The following SHISAL2A variants were observed in gnomAD, a reference collection of about 807,000 sequenced individuals.
SHISAL2A encodes the protein protein shisa-like-2A.
In SHISAL2A, 18 loss-of-function variants were observed where a neutral mutation model predicts 11.5. That is an observed-to-expected ratio of 1.57 (90% CI 1.08 to 2.33). The LOEUF is 2.33. Among genes scored for constraint, SHISAL2A ranks in the 30% most tolerant of loss-of-function variants. SHISAL2A has a pLI of 0.00. For synonymous variants in SHISAL2A, 94 were observed against 99.6 expected (o/e 0.94, Z 0.34); for missense variants, 261 against 250.9 (o/e 1.04, Z -0.27).
At chr1:52,639,783 A>T (rs1691319636) in intron 1 of SHISAL2A, among the ~76,000 whole-genome samples, 1 of 151,974 alleles carries the variant, frequency 6.6e-6, no homozygotes, top group Admixed American at 6.6e-5. Context: ...TTAAAATCTA[A>T]AAGATCTGAA....
At chr1:52,643,337 T>C (rs1027162976) in intron 2 of SHISAL2A, among the ~76,000 whole-genome samples, 1 of 152,224 alleles carries the variant, frequency 6.6e-6, no homozygotes, top group African/African-American at 2.4e-5. Flanking sequence ...ATAGAATTAA[T>C]TTTTAAAATC....
At chr1:52,649,257 A>G (rs984252276) in intron 2 of SHISAL2A, among the ~76,000 whole-genome samples, 7 of 152,156 alleles carry the variant, frequency 4.6e-5, no homozygotes, top group African/African-American at 1.7e-4. Flanking sequence ...TTGCGCTTCA[A>G]TAGGACATGG....
rs1691178270 is a variant in SHISAL2A, at chr1:52,633,612, A to C, written c.119A>C (p.Lys40Thr). The C allele has an allele frequency of 1.9e-6, 3 of 1,612,642 alleles. No individual in the cohort carries two copies. The highest frequency in any genetic ancestry group is 2.5e-6 in the Non-Finnish European group (3 of 1,179,444). ...AVFCCGFRDH[K>T]YCCDDPHSFF... Reference sequence around the variant, plus strand: ...TTCTGCTGCGGCTTCCGCGACCACAAGTACTGCTGCGACGACCCGCACAGC... The same window carrying C: ...TTCTGCTGCGGCTTCCGCGACCACACGTACTGCTGCGACGACCCGCACAGC... The change falls in exon 1 of 3, where the codon AAG becomes ACG. Residue 40 changes from lysine to threonine, a missense_variant. Physicochemically the swap from Lys to Thr is moderately conservative, Grantham distance 78. Transcript: ENST00000517870. This position sits in a 1 kb window ranked among gnomAD's most constrained non-coding sequence, Gnocchi z 6.4.
intron 4 of SHISAL2A, among the ~76,000 whole-genome samples, chr1:52,667,097 T>C (rs1289786259): frequency 6.6e-6 from 1 of 151,902 alleles, no homozygotes; most frequent in Non-Finnish European, 1.5e-5. Context: ...AGATAGGGAG[T>C]GTTTGGATGC....
intron 2 of SHISAL2A, among the ~76,000 whole-genome samples, chr1:52,648,559 T>G (rs1019117594): frequency 6.6e-6 from 1 of 152,168 alleles, no homozygotes. Context: ...ATCCCTACAA[T>G]GTGCCAGACA....
intron 1 of SHISAL2A, among the ~76,000 whole-genome samples, chr1:52,641,226 A>G (rs1257769742): frequency 1.3e-5 from 2 of 152,172 alleles, no homozygotes; most frequent in Non-Finnish European, 2.9e-5. Context: ...TAGCAAATTA[A>G]TCAACCCCAA....
chr1:52,640,058 G>A (rs1341459149), intron 1 of SHISAL2A: 1 of 152,154 alleles, frequency 6.6e-6, no homozygotes, highest in African/African-American at 2.4e-5. Flanking sequence ...CCAAAGTGCT[G>A]AGATTACAGG....
In SHISAL2A at chr1:52,648,404, T is replaced by C. The variant is rs559546970; in HGVS notation, c.322+5402T>C. Reference sequence around the variant, plus strand: ...AATGTACCATATTATTTGCTCTTTATGGTAACTGGGTAGGGTATAGATCAT... The same window carrying C: ...AATGTACCATATTATTTGCTCTTTACGGTAACTGGGTAGGGTATAGATCAT... On this transcript the variant is annotated intron_variant, in intron 2 of 2. Transcript: ENST00000517870. Among the ~76,000 whole-genome samples the C allele has an allele frequency of 3.5e-4, 53 of 152,292 alleles. No individual in the cohort carries two copies. In the South Asian group the frequency reaches 0.011, roughly 31 times the overall value.
chr1:52,662,800 A>C (rs1007033945), intron 4 of SHISAL2A, among the ~76,000 whole-genome samples: 1 of 152,140 alleles, frequency 6.6e-6, no homozygotes, highest in Non-Finnish European at 1.5e-5. Context: ...CAAAGAAATG[A>C]ATCAGTCATA....
At chr1:52,641,784 T>C (rs888230315) in intron 1 of SHISAL2A, among the ~76,000 whole-genome samples, 1 of 151,610 alleles carries the variant, frequency 6.6e-6, no homozygotes, top group African/African-American at 2.4e-5. Context: ...TCTATTTTCT[T>C]TTTTTTAAAA....
intron 1 of SHISAL2A, among the ~76,000 whole-genome samples, chr1:52,636,043 A>G (rs1024605906): frequency 6.6e-6 from 1 of 152,278 alleles, no homozygotes; most frequent in Non-Finnish European, 1.5e-5. Context: ...TGTAGTTGGC[A>G]TTGAGCTAGG....
intron 4 of SHISAL2A, among the ~76,000 whole-genome samples, chr1:52,662,332 T>G (rs1380474790): frequency 6.6e-6 from 1 of 151,712 alleles, no homozygotes; most frequent in East Asian, 1.9e-4. Flanking sequence ...ACTTTCTATT[T>G]TATTTTATTT....
At position 52,633,503 on chromosome 1, in the gene SHISAL2A, G is replaced by T; in HGVS notation, c.10G>T (p.Ala4Ser). 1 of 1,526,642 alleles carries T rather than the reference G, an allele frequency of 6.6e-7. No homozygotes were observed. Among genetic ancestry groups the T allele is most frequent in the Non-Finnish European group, 8.7e-7 (1 of 1,142,922 alleles). 94.6% of individuals were successfully genotyped at this position (1,526,642 alleles called of 1,614,324 possible). Reference protein sequence around the residue: MSGACTSYVSAEQE... With the variant: MSGSCTSYVSAEQE... ...CTGGGCGCGGGGCGCGATGAGCGGC[G>T]CCTGCACGAGCTACGTGAGCGCAGA... Residue 4 changes from alanine (A) to serine (S), a missense_variant, in exon 1 of 3, where the codon GCC becomes TCC. Coordinates refer to ENST00000517870, the MANE Select transcript of SHISAL2A (RefSeq NM_001042693.3). This position sits in a 1 kb window ranked among gnomAD's most constrained non-coding sequence, Gnocchi z 6.4.
At chr1:52,659,236 T>A (rs921463801), downstream of SHISAL2A, among the ~76,000 whole-genome samples, 7 of 152,076 alleles carry the variant, frequency 4.6e-5, no homozygotes, top group African/African-American at 1.7e-4. Context: ...AGCTAATTTT[T>A]AAATTTTTTT....
At chr1:52,660,866 T>C (rs911705570), downstream of SHISAL2A, among the ~76,000 whole-genome samples, 3 of 152,192 alleles carry the variant, frequency 2.0e-5, no homozygotes, top group African/African-American at 4.8e-5. Context: ...AAGAAGCTCA[T>C]TGCTACAGGC....
At chr1:52,649,930 T>A (rs1218427390) in intron 2 of SHISAL2A, among the ~76,000 whole-genome samples, 1 of 152,150 alleles carries the variant, frequency 6.6e-6, no homozygotes, top group African/African-American at 2.4e-5. Flanking sequence ...AGAAATAAAG[T>A]CTGATGCTCT....
At position 52,652,965 on chromosome 1, in the gene SHISAL2A, C is replaced by CAAA. The variant is rs36154490; in HGVS notation, c.323-3794_323-3792dup. On this transcript the variant is annotated intron_variant, in intron 2 of 2. Coordinates refer to ENST00000517870, the MANE Select transcript of SHISAL2A (RefSeq NM_001042693.3). ...TGGGTGACAGAGTGAGACTCTGTCT[C>CAAA]AAAAAAAAAAAAAAAAAAAAAAAAA... 5.4e-3 allele frequency among the ~76,000 whole-genome samples: 122 copies of CAAA among 22,386 alleles called. 15 individuals carry two copies. Among genetic ancestry groups the CAAA allele is most frequent in the African/African-American group, 0.013 (59 of 4,566 alleles). 14.7% of individuals were successfully genotyped at this position (22,386 alleles called of 152,430 possible). A position where few individuals can be genotyped will look rare whatever the true frequency, so the allele number is the denominator to read the frequency against.
At chr1:52,632,811 C>G (rs1218562697), upstream of SHISAL2A, among the ~76,000 whole-genome samples, 1 of 152,192 alleles carries the variant, frequency 6.6e-6, no homozygotes. Flanking sequence ...AGGCCGCCCC[C>G]GGTTAAAATC....
downstream of SHISAL2A, among the ~76,000 whole-genome samples, chr1:52,658,662 CAT>C (rs1691845526): frequency 6.6e-6 from 1 of 152,208 alleles, no homozygotes; most frequent in Non-Finnish European, 1.5e-5. Context: ...TTATTTTTAA[CAT>C]GTCTTATTAT....
Sources: allele counts gnomAD v4.1 joint callset (sites outside exome capture counted in the v4.1 genomes callset), GRCh38; gene constraint gnomAD v4.1.1; non-coding constraint Gnocchi (gnomAD v3.1); transcripts MANE v1.5; gene names NCBI Gene and HGNC (gene_info 2026-07-23, HGNC 2026-07-21).